The following MYO6 variants were observed in gnomAD, a reference collection of about 807,000 sequenced individuals.
MYO6 encodes the protein myosin VI.
Under a neutral mutation model 178.7 loss-of-function variants are expected in MYO6, and 74 were observed. That is an observed-to-expected ratio of 0.41 (90% confidence interval 0.34 to 0.50). The LOEUF (loss-of-function observed/expected upper bound fraction) is 0.50. Ranked by LOEUF, MYO6 falls within the 20% of genes least tolerant of loss-of-function variation. The pLI is 0.09. For synonymous variants in MYO6, 477 were observed against 504.6 expected (o/e 0.95, Z 0.73); for missense variants, 1,330 against 1,547.4 (o/e 0.86, Z 2.36).
At chr6:75,800,870 G>A (rs1438742649) in intron 1 of MYO6, among the ~76,000 whole-genome samples, 3 of 152,184 alleles carry the variant, frequency 2.0e-5, no homozygotes, top group Non-Finnish European at 2.9e-5. Context: ...ACAGGTGCAT[G>A]CCACCACACC....
Position 75,915,192 on chromosome 6 carries a change from C to T in MYO6, c.*180C>T. On this transcript the variant is annotated 3_prime_UTR_variant, in exon 35 of 35. Transcript: ENST00000369977. ...TTAATTATGGTAGCAAATTTTGGAC[C>T]TAAACATTATTTTTCTGTATCCCGC... The T allele has an allele frequency of 1.5e-6, 1 of 655,580 alleles. No homozygotes were observed. The highest frequency in any genetic ancestry group is 1.9e-5 in the South Asian group (1 of 52,946). The allele number at this position is 655,580 out of a possible 1,614,324, so 40.6% of individuals were successfully genotyped here.
chr6:75,866,697 G>C, intron 17 of MYO6, 76 bp downstream of exon 17: 2 of 1,301,858 alleles, frequency 1.5e-6, no homozygotes, highest in Non-Finnish European at 2.2e-6. Flanking sequence ...TTCTAGTCAC[G>C]TGGTTATTAA....
In MYO6 at chr6:75,915,454, A is replaced by G. The variant is rs762095955; in HGVS notation, c.*442A>G. On this transcript the variant is annotated 3_prime_UTR_variant, in exon 35 of 35. Coordinates refer to ENST00000369977, the MANE Select transcript of MYO6 (RefSeq NM_004999.4). ...AACCACTTAAAATGATCAAGGCACT[A>G]ATGTTTTGGTCTGAAAAGCTGTGTA... 1.1e-5 allele frequency: 2 copies of G among 174,362 alleles called. No individual in the cohort carries two copies. The highest frequency in any genetic ancestry group is 4.8e-5 in the African/African-American group (2 of 41,882). The allele number at this position is 174,362 out of a possible 1,614,324, so 10.8% of individuals were successfully genotyped here. A position where few individuals can be genotyped will look rare whatever the true frequency, so the allele number is the denominator to read the frequency against.
intron 1 of MYO6, among the ~76,000 whole-genome samples, chr6:75,768,974 T>G (rs1050545223): frequency 1.3e-5 from 2 of 152,114 alleles, no homozygotes; most frequent in Non-Finnish European, 2.9e-5. Context: ...GGAGAGAGGT[T>G]GTTGTCACAT....
intron 30 of MYO6, among the ~76,000 whole-genome samples, chr6:75,904,594 C>T (rs1780112915): frequency 6.6e-6 from 1 of 152,146 alleles, no homozygotes; most frequent in African/African-American, 2.4e-5. Flanking sequence ...CCTTTAAGCA[C>T]TTCTCTGTAT....
intron 25 of MYO6, among the ~76,000 whole-genome samples, chr6:75,887,983 AAAAT>A (rs1027912857): frequency 2.0e-5 from 3 of 150,654 alleles, no homozygotes; most frequent in East Asian, 2.0e-4. Context: ...CGTCTCAAAA[AAAAT>A]AAATAAATAA....
intron 9 of MYO6, among the ~76,000 whole-genome samples, chr6:75,843,607 G>T (rs547977482): frequency 4.4e-4 from 67 of 152,202 alleles, no homozygotes; most frequent in African/African-American, 1.6e-3. Context: ...CAAAGTGCTT[G>T]GTAGCAAAGA....
At chr6:75,903,660 A>C (rs1163622454) in intron 30 of MYO6, among the ~76,000 whole-genome samples, 2 of 151,802 alleles carry the variant, frequency 1.3e-5, no homozygotes, top group East Asian at 1.9e-4. Context: ...CAGCACACTG[A>C]TGGGTCTTGA....
chr6:75,855,534 A>G (rs1255242939), intron 12 of MYO6, among the ~76,000 whole-genome samples: 1 of 152,202 alleles, frequency 6.6e-6, no homozygotes, highest in East Asian at 1.9e-4. Context: ...CTGATGGTAT[A>G]AATCAATATA....
chr6:75,752,414 A>G (rs1456605144), intron 1 of MYO6, among the ~76,000 whole-genome samples: 2 of 152,172 alleles, frequency 1.3e-5, no homozygotes. Context: ...TTGATCTACA[A>G]AATAATTTTC....
At chr6:75,785,686 A>G (rs564539085) in intron 1 of MYO6, among the ~76,000 whole-genome samples, 33 of 151,498 alleles carry the variant, frequency 2.2e-4, no homozygotes, top group African/African-American at 8.0e-4. Flanking sequence ...TCTTCTATAC[A>G]AACTTATAGA....
At chr6:75,789,956 T>G (rs1583082903) in intron 1 of MYO6, among the ~76,000 whole-genome samples, 1 of 152,224 alleles carries the variant, frequency 6.6e-6, no homozygotes, top group East Asian at 1.9e-4. Context: ...ATCAATTTTT[T>G]TAGATTCCGT....
rs750255502 is a variant in MYO6 at position 75,817,590 on chromosome 6, G to A, written c.43G>A (p.Gly15Arg). The part of the protein sequence containing the change: ...KPVWAPHPTD[G>R]FQMGNIVDIG... The stretch of plus-strand genomic sequence containing the variant: ...CGTTTGGGCGCCACACCCTACAGAT[G>A]GATTTCAGATGGGCAATATTGTGGA... The change falls in exon 2 of 35, where the codon GGA becomes AGA. Residue 15 changes from glycine to arginine, a missense_variant. This residue lies in a region of MYO6 where 116 missense variants were observed against 104.6 expected (regional missense o/e 1.11). Transcript: ENST00000369977. 12 of 1,614,064 alleles carry A rather than the reference G, an allele frequency of 7.4e-6. No homozygotes were observed. Among genetic ancestry groups the A allele is most frequent in the Non-Finnish European group, 1.7e-6 (2 of 1,180,034 alleles).
chr6:75,902,742 T>C (rs1285232393), intron 30 of MYO6, among the ~76,000 whole-genome samples: 8 of 150,772 alleles, frequency 5.3e-5, no homozygotes, highest in African/African-American at 1.9e-4. Context: ...CTGCTCTGAT[T>C]TTAGTTATTT....
chr6:75,849,299 T>C (rs1049520427), intron 11 of MYO6, among the ~76,000 whole-genome samples: 3 of 152,208 alleles, frequency 2.0e-5, no homozygotes, highest in African/African-American at 7.2e-5. Flanking sequence ...ATTTACTATC[T>C]GGCCCTTTAG....
chr6:75,857,357 G>A, intron 13 of MYO6, 103 bp downstream of exon 13: 1 of 1,186,970 alleles, frequency 8.4e-7, no homozygotes, highest in South Asian at 1.3e-5. Context: ...TTTACTTGAT[G>A]TATGTGTAAT....
At chr6:75,823,657 A>G (rs1176150583) in intron 3 of MYO6, among the ~76,000 whole-genome samples, 2 of 152,234 alleles carry the variant, frequency 1.3e-5, no homozygotes, top group African/African-American at 2.4e-5. Context: ...GAGTAAGACT[A>G]TAAAACCCCC....
intron 30 of MYO6, among the ~76,000 whole-genome samples, chr6:75,901,804 G>A (rs1430519107): frequency 6.6e-6 from 1 of 152,176 alleles, no homozygotes; most frequent in Non-Finnish European, 1.5e-5. Context: ...TCTTGTGCCG[G>A]TTTTCACAGG....
intron 18 of MYO6, among the ~76,000 whole-genome samples, chr6:75,868,995 T>G (rs981015816): frequency 6.6e-6 from 1 of 151,908 alleles, no homozygotes; most frequent in Admixed American, 6.6e-5. Context: ...TGTTCTTTGA[T>G]AGTTGACTTT....
Sources: allele counts gnomAD v4.1 joint callset (sites outside exome capture counted in the v4.1 genomes callset), GRCh38; gene constraint gnomAD v4.1.1; regional missense constraint gnomAD v4.1.1; transcripts MANE v1.5; gene names NCBI Gene and HGNC (gene_info 2026-07-23, HGNC 2026-07-21).